COL4A2: variants seen among roughly 807,000 people sequenced by gnomAD.
COL4A2 encodes collagen type IV alpha 2 chain.
In COL4A2, 99 loss-of-function variants were observed where a neutral mutation model predicts 200.2. That is an observed-to-expected ratio of 0.49 (90% confidence interval 0.42 to 0.58). COL4A2 has a LOEUF of 0.58. Ranked by LOEUF, COL4A2 falls within the 20% of genes least tolerant of loss-of-function variation. COL4A2 has a pLI of 0.00. For missense variants in COL4A2, 1,950 were observed against 2,314.1 expected (o/e 0.84, Z 3.23); for synonymous variants, 897 against 900.6 (o/e 1.00, Z 0.07).
In COL4A2 at chr13:110,501,744, A is replaced by C; in HGVS notation, c.3837A>C (p.Ala1279=). The change falls in exon 41 of 48, where the codon GCA becomes GCC. Residue 1279 remains alanine (A), a synonymous_variant. Coordinates refer to ENST00000360467, the MANE Select transcript of COL4A2 (RefSeq NM_001846.4). The stretch of plus-strand genomic sequence containing the variant: ...CACCCCCTTCCAACATCTCTGGGGC[A>C]CCTGGTGACAAAGGGGCGCCAGGGA... ...GITPPSNISG[A]PGDKGAPGIF... is the part of the protein sequence containing the mutation. The C allele has an allele frequency of 6.2e-7, 1 of 1,613,562 alleles. No individual in the cohort carries two copies. Among genetic ancestry groups the C allele is most frequent in the South Asian group, 1.1e-5 (1 of 91,040 alleles).
chr13:110,343,453 C>T (rs1279353603), intron 3 of COL4A2, among the ~76,000 whole-genome samples: 5 of 152,272 alleles, frequency 3.3e-5, no homozygotes, highest in Middle Eastern at 6.8e-3. Context: ...CATAGGTACA[C>T]GCCGTCTGAA....
intron 4 of COL4A2, among the ~76,000 whole-genome samples, chr13:110,395,808 GGT>G (rs1025080481): frequency 6.6e-6 from 1 of 152,120 alleles, no homozygotes; most frequent in Non-Finnish European, 1.5e-5. Flanking sequence ...AGCCAGGTTT[GGT>G]GGCGCATGCC....
intron 4 of COL4A2, among the ~76,000 whole-genome samples, chr13:110,420,667 A>G (rs1390788067): frequency 6.6e-6 from 1 of 152,164 alleles, no homozygotes; most frequent in Non-Finnish European, 1.5e-5. Context: ...TCCTGTCGGG[A>G]CTTTTTGACT....
Position 110,357,497 on chromosome 13 carries a change from G to A in COL4A2, c.125G>A (p.Cys42Tyr). Residue 42 changes from cysteine to tyrosine, a missense_variant, in exon 4 of 48, where the codon TGT becomes TAT. Cys to Tyr is a radical substitution (Grantham distance 194). Transcript: ENST00000360467. ...GGTGTGAAGAAGTTTGATGTGCCGT[G>A]TGGAGGAAGAGATTGCAGTGGGGGC... ...LAGVKKFDVPCGGRDCSGGCQ... is the reference protein window; with the variant it reads ...LAGVKKFDVPYGGRDCSGGCQ... 6.3e-7 allele frequency: 1 copy of A among 1,595,030 alleles called. No individual in the cohort carries two copies. Among genetic ancestry groups the A allele is most frequent in the Non-Finnish European group, 8.6e-7 (1 of 1,168,834 alleles).
intron 40 of COL4A2, among the ~76,000 whole-genome samples, chr13:110,499,601 A>G (rs1036227586): frequency 1.3e-5 from 2 of 152,242 alleles, no homozygotes; most frequent in African/African-American, 4.8e-5. Context: ...CTATTTCTGC[A>G]GCTGACATTC....
chr13:110,497,374 C>G (rs902114448), intron 40 of COL4A2, among the ~76,000 whole-genome samples: 3 of 151,558 alleles, frequency 2.0e-5, no homozygotes, highest in African/African-American at 7.3e-5. Flanking sequence ...GGTCTAGGGT[C>G]AGTCCACCAG....
intron 3 of COL4A2, among the ~76,000 whole-genome samples, chr13:110,309,972 C>T (rs564578138): frequency 1.3e-4 from 20 of 152,218 alleles, no homozygotes; most frequent in East Asian, 5.8e-4. Context: ...GTCTGGGCGA[C>T]GGAGCAAGAC....
chr13:110,395,913 T>G (rs1594190129), intron 4 of COL4A2, among the ~76,000 whole-genome samples: 1 of 152,170 alleles, frequency 6.6e-6, no homozygotes, highest in East Asian at 1.9e-4. Context: ...CCACAGCACT[T>G]TAGTCTGGGC....
At chr13:110,457,546 C>T (rs768605168) in intron 21 of COL4A2, 111 bp downstream of exon 21, 2 of 733,160 alleles carry the variant, frequency 2.7e-6, no homozygotes, top group Non-Finnish European at 5.0e-6. Context: ...TGAAAATGAG[C>T]CTGCATGTCT....
chr13:110,440,616 T>C (rs1881083937), intron 16 of COL4A2, among the ~76,000 whole-genome samples: 1 of 152,118 alleles, frequency 6.6e-6, no homozygotes, highest in Non-Finnish European at 1.5e-5. Flanking sequence ...ATAATAATGA[T>C]AAAATTTTTA....
Position 110,507,939 on chromosome 13 carries a change from G to T in COL4A2, c.4599G>T (p.Leu1533=), listed in dbSNP as rs368434634. 1 of 1,613,390 alleles carries T rather than the reference G, an allele frequency of 6.2e-7. No homozygotes were observed. The highest frequency in any genetic ancestry group is 8.5e-7 in the Non-Finnish European group (1 of 1,179,574). Reference sequence around the variant, plus strand: ...TCATGACCCCTCCTTCCACAGGGCTGGCGGGCTCCTGCCTGGCGCGGTTCA... The same window carrying T: ...TCATGACCCCTCCTTCCACAGGGCTTGCGGGCTCCTGCCTGGCGCGGTTCA... ...QEKAHNQDLG[L]AGSCLARFST... is the part of the protein sequence containing the mutation. The change falls in exon 47 of 48, where the codon CTG becomes CTT. Residue 1533 remains leucine, a synonymous_variant. Coordinates refer to ENST00000360467, the MANE Select transcript of COL4A2 (RefSeq NM_001846.4).
chr13:110,434,117 T>C (rs1001408634), intron 11 of COL4A2, among the ~76,000 whole-genome samples: 6 of 152,164 alleles, frequency 3.9e-5, no homozygotes, highest in Non-Finnish European at 8.8e-5. Flanking sequence ...CCCAGGGACA[T>C]GCTCTTAGAC....
At chr13:110,466,415 C>A (rs1444258753) in intron 26 of COL4A2, among the ~76,000 whole-genome samples, 1 of 152,136 alleles carries the variant, frequency 6.6e-6, no homozygotes, top group Non-Finnish European at 1.5e-5. Context: ...AAGATGGGAG[C>A]CTGGTCCAGA....
At chr13:110,436,212 G>A (rs750623149) in intron 12 of COL4A2, 57 bp from the exon 13 acceptor site, 18 of 1,609,644 alleles carry the variant, frequency 1.1e-5, no homozygotes, top group Admixed American at 3.3e-5. Context: ...ATTTGTATTC[G>A]AGTTTTGTAG....
At chr13:110,372,455 T>C (rs537757163) in intron 4 of COL4A2, among the ~76,000 whole-genome samples, 30 of 152,354 alleles carry the variant, frequency 2.0e-4, no homozygotes, top group African/African-American at 5.8e-4. Context: ...TTCTCTTCTC[T>C]GGAATTTGTC....
intron 47 of COL4A2, among the ~76,000 whole-genome samples, chr13:110,510,916 C>A (rs1173283495): frequency 2.6e-5 from 4 of 152,236 alleles, no homozygotes; most frequent in Non-Finnish European, 5.9e-5. Context: ...CAAGAGCAGG[C>A]AGCTCAGGGC....
chr13:110,467,935 T>G (rs192327516), intron 27 of COL4A2, among the ~76,000 whole-genome samples: 83 of 152,356 alleles, frequency 5.4e-4, no homozygotes, highest in African/African-American at 1.8e-3. Flanking sequence ...GGTAACTCAG[T>G]GTCACAAGCA....
intron 39 of COL4A2, among the ~76,000 whole-genome samples, chr13:110,494,208 C>G (rs928152505): frequency 6.6e-6 from 1 of 152,192 alleles, no homozygotes; most frequent in Non-Finnish European, 1.5e-5. Context: ...AGGTTTCCAT[C>G]CTGAGCCCTT....
intron 3 of COL4A2, among the ~76,000 whole-genome samples, chr13:110,357,044 G>A (rs993606472): frequency 5.9e-5 from 9 of 152,156 alleles, no homozygotes; most frequent in African/African-American, 1.9e-4. Context: ...GATTCCAGGC[G>A]TGAGCGACCG....
Sources: gnomAD v4.1 joint callset for allele counts (sites outside exome capture counted in the v4.1 genomes callset) on GRCh38, gnomAD v4.1.1 for gene constraint, MANE v1.5 for transcripts, NCBI Gene and HGNC (gene_info 2026-07-23, HGNC 2026-07-21) for gene names.